CDH11: variants seen among roughly 807,000 people sequenced by gnomAD.
CDH11 encodes cadherin-11.
In CDH11, 11 loss-of-function variants were observed where a neutral mutation model predicts 67.8. That is an observed-to-expected ratio of 0.16 (90% CI 0.10 to 0.27). The LOEUF (loss-of-function observed/expected upper bound fraction) is 0.27. CDH11 is among the 10% of genes least tolerant of loss of function. CDH11 has a pLI of 1.00. For missense variants in CDH11, 847 were observed against 1,031.2 expected (o/e 0.82, Z 2.45); for synonymous variants, 419 against 400.0 (o/e 1.05, Z -0.57).
intron 2 of CDH11, among the ~76,000 whole-genome samples, chr16:65,042,256 G>A (rs1242257100): frequency 1.3e-5 from 2 of 152,156 alleles, no homozygotes; most frequent in African/African-American, 4.8e-5. Flanking sequence ...ATAAAAATCA[G>A]CCATGAAATG....
chr16:65,098,536 G>A (rs1438313450), intron 1 of CDH11, among the ~76,000 whole-genome samples: 1 of 151,944 alleles, frequency 6.6e-6, no homozygotes, highest in Non-Finnish European at 1.5e-5. Flanking sequence ...GTGTGTGTGT[G>A]TGCGTGTGTT....
At chr16:65,097,888 T>C (rs1471481043) in intron 1 of CDH11, among the ~76,000 whole-genome samples, 1 of 152,124 alleles carries the variant, frequency 6.6e-6, no homozygotes, top group African/African-American at 2.4e-5. Context: ...GTAAATTGGT[T>C]TTCTCTGTGA....
At chr16:64,971,790 T>C (rs1483993587) in intron 10 of CDH11, 94 bp from the exon 11 acceptor site, 3 of 1,381,346 alleles carry the variant, frequency 2.2e-6, no homozygotes, top group Non-Finnish European at 3.1e-6. Context: ...CTGATTTTAA[T>C]TAGAGAACAT....
chr16:65,050,189 G>A (rs548271353), intron 2 of CDH11, among the ~76,000 whole-genome samples: 1 of 152,136 alleles, frequency 6.6e-6, no homozygotes, highest in Admixed American at 6.5e-5. Context: ...AGGTCACAGG[G>A]CTTAGAAGCC....
At chr16:64,959,397 G>A (rs780198311) in intron 11 of CDH11, among the ~76,000 whole-genome samples, 15 of 152,244 alleles carry the variant, frequency 9.9e-5, no homozygotes, top group Non-Finnish European at 1.8e-4. Context: ...TACTGCCCAC[G>A]TACTTCTTAG....
At chr16:65,052,422 C>A (rs1201924700) in intron 2 of CDH11, among the ~76,000 whole-genome samples, 1 of 152,100 alleles carries the variant, frequency 6.6e-6, no homozygotes, top group African/African-American at 2.4e-5. Flanking sequence ...GAAGTCCAAG[C>A]TAAGATATAA....
At chr16:65,036,275 A>G (rs2073753076) in intron 2 of CDH11, among the ~76,000 whole-genome samples, 1 of 152,142 alleles carries the variant, frequency 6.6e-6, no homozygotes, top group South Asian at 2.1e-4. Flanking sequence ...AGCCTCTTCA[A>G]CTATCTTCAT....
chr16:65,107,547 G>T (rs1279748168), intron 1 of CDH11, among the ~76,000 whole-genome samples: 1 of 152,174 alleles, frequency 6.6e-6, no homozygotes, highest in Non-Finnish European at 1.5e-5. Context: ...ATGTGGTCCA[G>T]AAATCATTTA....
intron 11 of CDH11, among the ~76,000 whole-genome samples, chr16:64,965,250 C>G (rs1476492518): frequency 6.9e-6 from 1 of 144,690 alleles, no homozygotes; most frequent in Admixed American, 7.1e-5. Flanking sequence ...GGTGTGCTGG[C>G]GGGCGCCTGT....
chr16:64,978,430 A>C (rs576201861), intron 8 of CDH11, among the ~76,000 whole-genome samples: 1 of 152,344 alleles, frequency 6.6e-6, no homozygotes, highest in South Asian at 2.1e-4. Context: ...AGACATAGAT[A>C]ATATGCAAAC....
intron 2 of CDH11, among the ~76,000 whole-genome samples, chr16:65,051,446 C>G (rs2074055118): frequency 1.6e-5 from 1 of 63,948 alleles, no homozygotes; most frequent in South Asian, 8.2e-4. Flanking sequence ...GAAAGGCAGA[C>G]AAGGACAGTG....
chr16:65,028,827 A>G (rs746516625), intron 2 of CDH11, among the ~76,000 whole-genome samples: 23 of 152,182 alleles, frequency 1.5e-4, no homozygotes, highest in Non-Finnish European at 2.8e-4. Flanking sequence ...TGAACCAGTC[A>G]CAGACAGACA....
intron 1 of CDH11, among the ~76,000 whole-genome samples, chr16:65,054,173 T>G: frequency 6.6e-6 from 1 of 152,210 alleles, no homozygotes; most frequent in African/African-American, 2.4e-5. Context: ...ATGACAATGA[T>G]AAAAGCAATC....
chr16:65,011,879 G>A (rs1175827722), intron 2 of CDH11, among the ~76,000 whole-genome samples: 1 of 152,172 alleles, frequency 6.6e-6, no homozygotes, highest in Non-Finnish European at 1.5e-5. Flanking sequence ...ATAATGTAAT[G>A]TCATTTGTGG....
intron 2 of CDH11, among the ~76,000 whole-genome samples, chr16:65,045,506 T>G (rs1377340763): frequency 6.6e-6 from 1 of 151,790 alleles, no homozygotes; most frequent in Non-Finnish European, 1.5e-5. Context: ...GTCAGGTGTC[T>G]GGCTACAGTC....
At chr16:65,101,955 T>G (rs1222273209) in intron 1 of CDH11, among the ~76,000 whole-genome samples, 1 of 152,132 alleles carries the variant, frequency 6.6e-6, no homozygotes, top group Non-Finnish European at 1.5e-5. Context: ...GTCTGATGGG[T>G]TTTTTGTTGT....
Position 65,013,398 on chromosome 16 carries a change from A to G in CDH11, c.-172-8357T>C, listed in dbSNP as rs78419064. On this transcript the variant is annotated intron_variant, in intron 2 of 12. Coordinates refer to ENST00000268603, the MANE Select transcript of CDH11 (RefSeq NM_001797.4). ...AGGAGAAATGGAGGTAAGGAGTGTC[A>G]GCTCTTACAAAACAGTTAAGAGGAT... Among the ~76,000 whole-genome samples, 25 of 152,302 alleles carry G rather than the reference A, an allele frequency of 1.6e-4. No homozygotes were observed. The East Asian group carries it at 4.8e-3, about 29-fold the overall frequency.
At chr16:65,016,960 T>C (rs910079777) in intron 2 of CDH11, among the ~76,000 whole-genome samples, 81 of 152,304 alleles carry the variant, frequency 5.3e-4, no homozygotes, top group African/African-American at 1.9e-3. Flanking sequence ...GATGTTCCCA[T>C]GGCATTTGTA....
At chr16:64,974,551 C>T (rs925851293) in intron 8 of CDH11, among the ~76,000 whole-genome samples, 28 of 152,228 alleles carry the variant, frequency 1.8e-4, no homozygotes, top group African/African-American at 4.8e-4. Flanking sequence ...CCCCACTGAG[C>T]GGCACTTCAC....
Sources: allele counts gnomAD v4.1 joint callset (sites outside exome capture counted in the v4.1 genomes callset), GRCh38; gene constraint gnomAD v4.1.1; transcripts MANE v1.5; gene names NCBI Gene and HGNC (gene_info 2026-07-23, HGNC 2026-07-21).